Variants in ZNF821 observed in about 807,000 individuals in gnomAD.
ZNF821 encodes the protein zinc finger protein 821.
ZNF821 carries 16 observed loss-of-function variants against 44.3 expected under a neutral mutation model. The ratio of observed to expected loss-of-function variants is 0.36; its 90% CI spans 0.24 to 0.55. ZNF821 has a LOEUF of 0.55. Among genes scored for constraint, ZNF821 ranks in the 20% least tolerant of loss-of-function variants. The probability of loss-of-function intolerance (pLI) is 0.86; values close to 1 mark genes in which losing one functional copy is unlikely to be tolerated. For synonymous variants in ZNF821, 204 were observed against 197.6 expected (o/e 1.03, Z -0.27); for missense variants, 436 against 547.6 (o/e 0.80, Z 2.03).
At chr16:71,864,704 C>T (rs963362157) in intron 5 of ZNF821, 199 bp downstream of exon 5, 9 of 611,316 alleles carry the variant, frequency 1.5e-5, no homozygotes, top group East Asian at 2.9e-5. Flanking sequence ...CGCAGCGATT[C>T]GTGGATGGAA....
At chr16:71,863,557 A>T (rs2034175510) in intron 6 of ZNF821, among the ~76,000 whole-genome samples, 2 of 151,684 alleles carry the variant, frequency 1.3e-5, no homozygotes, top group African/African-American at 4.8e-5. Context: ...CAACTAATTT[A>T]AAAAAAAATT....
upstream of ZNF821, among the ~76,000 whole-genome samples, chr16:71,886,942 C>G (rs539184817): frequency 6.6e-6 from 1 of 152,234 alleles, no homozygotes; most frequent in South Asian, 2.1e-4. Context: ...TCGTGTCTGG[C>G]TTTTGTCACT....
At chr16:71,887,487 T>C (rs928595790), upstream of ZNF821, among the ~76,000 whole-genome samples, 3 of 152,126 alleles carry the variant, frequency 2.0e-5, no homozygotes, top group Non-Finnish European at 4.4e-5. Context: ...GGTCTTGATC[T>C]CCTGACCTCG....
chr16:71,877,441 G>T (rs2035940370), intron 3 of ZNF821, among the ~76,000 whole-genome samples: 1 of 151,554 alleles, frequency 6.6e-6, no homozygotes, highest in South Asian at 2.1e-4. Flanking sequence ...GTATTTTTTT[G>T]AAAAAACGGG....
intron 2 of ZNF821, chr16:71,880,328 A>G: frequency 6.0e-6 from 1 of 165,450 alleles, no homozygotes; most frequent in Non-Finnish European, 1.3e-5. Flanking sequence ...AGTAAAACTC[A>G]GGCATCCAGG....
At position 71,893,118 on chromosome 16, in the gene ZNF821, C is replaced by G. The variant is rs116302957; in HGVS notation, n.448+1771G>C. Reference sequence around the variant, plus strand: ...CATCTCGGCTCACTGCAATCTCTATCTCCTGGCGCCATTCTCCTGCCTCAG... The same window carrying G: ...CATCTCGGCTCACTGCAATCTCTATGTCCTGGCGCCATTCTCCTGCCTCAG... On this transcript the variant is annotated intron_variant and non_coding_transcript_variant, in intron 1 of 2. Coordinates refer to the ZNF821 transcript ENST00000561700. 6.6e-3 allele frequency among the ~76,000 whole-genome samples: 966 copies of G among 145,272 alleles called. 14 individuals carry two copies. Among genetic ancestry groups the G allele is most frequent in the African/African-American group, 0.023 (921 of 39,346 alleles).
chr16:71,867,880 CCT>C, intron 4 of ZNF821, 30 bp downstream of exon 4: 1 of 1,534,150 alleles, frequency 6.5e-7, no homozygotes, highest in South Asian at 1.2e-5. Context: ...CTCCCATTGC[CCT>C]GAGTCATTAC....
chr16:71,883,004 C>T, intron 2 of ZNF821: 1 of 425,588 alleles, frequency 2.3e-6, no homozygotes, highest in East Asian at 7.1e-5. Flanking sequence ...AGATTCAGGT[C>T]TAAAGGGATT....
chr16:71,874,061 C>G (rs1159207001), intron 3 of ZNF821, among the ~76,000 whole-genome samples: 1 of 150,694 alleles, frequency 6.6e-6, no homozygotes, highest in Non-Finnish European at 1.5e-5. Flanking sequence ...CAGGTCAGAG[C>G]GATTTTCCTG....
rs1336582084 is a variant in ZNF821 at position 71,868,123 on chromosome 16, G to A, written c.41-86C>T. 3 of 1,445,818 alleles carry A rather than the reference G, an allele frequency of 2.1e-6. No individual in the cohort carries two copies. In the African/African-American group the frequency reaches 4.2e-5, roughly 20 times the overall value. The allele number at this position is 1,445,818 out of a possible 1,614,324, so 89.6% of individuals were successfully genotyped here. ...TGGTTGGAAGGTCAGACCATTCAAA[G>A]GTAGGAGACAGGCAGGTACCCTGTG... On this transcript the variant is annotated intron_variant, in intron 3 of 7. Coordinates refer to ENST00000425432, the MANE Select transcript of ZNF821 (RefSeq NM_001201552.2).
chr16:71,866,523 T>G (rs544627543), intron 4 of ZNF821, among the ~76,000 whole-genome samples: 3 of 152,338 alleles, frequency 2.0e-5, no homozygotes, highest in Admixed American at 2.0e-4. Context: ...CCAGCTTATC[T>G]GAAATACTTG....
rs949220069 is a variant in ZNF821, at chr16:71,860,737, C to A, written c.585-65G>T. The A allele has an allele frequency of 1.5e-5, 23 of 1,525,696 alleles. No individual in the cohort carries two copies. In the Admixed American group the frequency reaches 4.4e-4, roughly 29 times the overall value. 94.5% of individuals were successfully genotyped at this position (1,525,696 alleles called of 1,614,324 possible). A position where few individuals can be genotyped will look rare whatever the true frequency, so the allele number is the denominator to read the frequency against. ...AGCAAGAGTCGGGACTCCAGCCCTG[C>A]CTTATTCTTTTCCTATGAGGCCAGT... On this transcript the variant is annotated intron_variant, in intron 7 of 7. Transcript: ENST00000425432. The surrounding 1 kb of genome is among the most constrained non-coding windows in gnomAD (Gnocchi z 7.3).
intron 3 of ZNF821, among the ~76,000 whole-genome samples, chr16:71,879,196 A>C (rs1045704369): frequency 2.0e-5 from 3 of 152,168 alleles, no homozygotes; most frequent in Non-Finnish European, 4.4e-5. Context: ...CTCTAACCTC[A>C]CATCTTCTGA....
chr16:71,865,021 G>A lies in ZNF821; in HGVS notation c.194C>T (p.Thr65Met), dbSNP rs139528518. ...SSDSEGDEEE[T>M]TQDEVSSHTS... is the part of the protein sequence containing the mutation. ...GTGGGAAGAGACTTCATCTTGTGTC[G>A]TCTCCTCTTCATCACCCTCACTGTC... Residue 65 changes from threonine (T) to methionine (M), a missense_variant, in exon 5 of 8, where the codon ACG (threonine) becomes ATG (methionine). Thr to Met is a moderately conservative substitution (Grantham distance 81, BLOSUM62 -1). Coordinates refer to ENST00000425432, the MANE Select transcript of ZNF821 (RefSeq NM_001201552.2). 1,377 of 1,614,094 alleles carry A rather than the reference G, an allele frequency of 8.5e-4. 1 individual carries two copies. Among genetic ancestry groups the A allele is most frequent in the Middle Eastern group, 2.0e-3 (12 of 6,062 alleles).
At chr16:71,862,075 C>T in intron 6 of ZNF821, 133 bp from the exon 7 acceptor site, 3 of 1,077,738 alleles carry the variant, frequency 2.8e-6, no homozygotes, top group Non-Finnish European at 3.9e-6. Context: ...TTCTGTTTAG[C>T]CCCTAGAAAA....
At chr16:71,886,557 A>C (rs1007639373), upstream of ZNF821, among the ~76,000 whole-genome samples, 1 of 152,122 alleles carries the variant, frequency 6.6e-6, no homozygotes, top group African/African-American at 2.4e-5. Flanking sequence ...ATATCTTCCT[A>C]ATCCATTTTA....
intron 6 of ZNF821, 131 bp from the exon 7 acceptor site, chr16:71,862,073 A>G (rs904330387): frequency 2.0e-5 from 22 of 1,082,836 alleles, no homozygotes; most frequent in Non-Finnish European, 1.3e-6. Context: ...TATTCTGTTT[A>G]GCCCCTAGAA....
chr16:71,895,139 G>A (rs567879930), exon 1 of ZNF821: 5 of 282,692 alleles, frequency 1.8e-5, no homozygotes, highest in South Asian at 4.6e-5. Flanking sequence ...AGATCTTAGG[G>A]AGCAACTCCC....
intron 1 of ZNF821, chr16:71,894,629 G>C (rs2036927713): frequency 4.0e-6 from 2 of 502,844 alleles, no homozygotes; most frequent in South Asian, 4.5e-5. Flanking sequence ...GGGCTCAAGC[G>C]ATCTTCCTGC....
Sources: allele counts gnomAD v4.1 joint callset (sites outside exome capture counted in the v4.1 genomes callset), GRCh38; gene constraint gnomAD v4.1.1; non-coding constraint Gnocchi (gnomAD v3.1); transcripts MANE v1.5; gene names NCBI Gene and HGNC (gene_info 2026-07-23, HGNC 2026-07-21).